HTR1F: variants seen among roughly 807,000 people sequenced by gnomAD.
HTR1F encodes the protein 5-hydroxytryptamine receptor 1F.
Under a neutral mutation model 24.0 loss-of-function variants are expected in HTR1F, and 17 were observed. That is an observed-to-expected ratio of 0.71 (90% CI 0.48 to 1.06). The LOEUF is 1.06. Among genes scored for constraint, HTR1F ranks in the 50% least tolerant of loss-of-function variants. The pLI, the probability that HTR1F is intolerant of heterozygous loss-of-function variation, is 0.00. For missense variants in HTR1F, 391 were observed against 427.8 expected (o/e 0.91, Z 0.76); for synonymous variants, 186 against 156.8 (o/e 1.19, Z -1.39).
At chr3:87,809,606 C>T (rs1559590609) in intron 1 of HTR1F, among the ~76,000 whole-genome samples, 3 of 151,984 alleles carry the variant, frequency 2.0e-5, no homozygotes, top group South Asian at 2.1e-4. Flanking sequence ...ACTAATAATA[C>T]AGCATTATAT....
At chr3:87,837,483 G>A (rs1046475817) in intron 2 of HTR1F, among the ~76,000 whole-genome samples, 4 of 151,986 alleles carry the variant, frequency 2.6e-5, no homozygotes, top group Middle Eastern at 3.4e-3. Context: ...TTCACAATCC[G>A]GAAGCTGAAT....
chr3:87,851,832 A>G (rs1705092657), intron 2 of HTR1F, among the ~76,000 whole-genome samples: 1 of 151,660 alleles, frequency 6.6e-6, no homozygotes, highest in Admixed American at 6.6e-5. Flanking sequence ...ACCTATAAGA[A>G]TGTACATTTC....
intron 2 of HTR1F, among the ~76,000 whole-genome samples, chr3:87,867,293 G>A (rs1705450477): frequency 1.3e-5 from 2 of 151,750 alleles, no homozygotes; most frequent in Admixed American, 6.6e-5. Flanking sequence ...ACAGAACATA[G>A]AGGCATCAAA....
At chr3:87,818,936 TG>T (rs1422099169) in intron 1 of HTR1F, among the ~76,000 whole-genome samples, 6 of 152,208 alleles carry the variant, frequency 3.9e-5, no homozygotes, top group Non-Finnish European at 7.3e-5. Flanking sequence ...ACCTTATTGC[TG>T]GTTTAATAAA....
At chr3:87,835,756 T>G (rs1704670172) in intron 2 of HTR1F, among the ~76,000 whole-genome samples, 1 of 152,242 alleles carries the variant, frequency 6.6e-6, no homozygotes, top group African/African-American at 2.4e-5. Context: ...TACATTATCC[T>G]AAAGAGATGT....
chr3:87,890,421 G>A (rs1230586999), intron 2 of HTR1F, among the ~76,000 whole-genome samples: 1 of 152,052 alleles, frequency 6.6e-6, no homozygotes, highest in Non-Finnish European at 1.5e-5. Flanking sequence ...AGAGATTAAG[G>A]TTCTAAGAGG....
chr3:87,960,760 G>A (rs1444949095), intron 2 of HTR1F, among the ~76,000 whole-genome samples: 8 of 151,848 alleles, frequency 5.3e-5, no homozygotes, highest in South Asian at 4.2e-4. Flanking sequence ...ACTTGGACTT[G>A]GGTTTATTAA....
In HTR1F at chr3:87,897,638, T is replaced by C. The variant is rs1189527522; in HGVS notation, c.-43+75514T>C. On this transcript the variant is annotated intron_variant, in intron 2 of 2. Coordinates refer to ENST00000319595, the MANE Select transcript of HTR1F (RefSeq NM_001322209.2). ...GCATATAAAACCCTTCATGATCTGATGACACCCATTTCTCCAGCCTAAATT... is the reference window on the plus strand; with the variant it reads ...GCATATAAAACCCTTCATGATCTGACGACACCCATTTCTCCAGCCTAAATT... Among the ~76,000 whole-genome samples the C allele has an allele frequency of 2.0e-5, 3 of 152,148 alleles. No homozygotes were observed. The East Asian group carries it at 5.8e-4, about 29-fold the overall frequency.
intron 2 of HTR1F, among the ~76,000 whole-genome samples, chr3:87,873,475 T>A (rs779787343): frequency 1.3e-5 from 2 of 152,172 alleles, no homozygotes; most frequent in Non-Finnish European, 2.9e-5. Context: ...CTATTCAAGA[T>A]ATAATGTATT....
At chr3:87,899,016 C>T (rs1489467492) in intron 2 of HTR1F, among the ~76,000 whole-genome samples, 1 of 152,152 alleles carries the variant, frequency 6.6e-6, no homozygotes, top group Non-Finnish European at 1.5e-5. Context: ...AGGAGCAAAA[C>T]ACAGAATATA....
intron 2 of HTR1F, among the ~76,000 whole-genome samples, chr3:87,936,464 A>G (rs1031033754): frequency 3.9e-5 from 6 of 152,184 alleles, no homozygotes; most frequent in Non-Finnish European, 8.8e-5. Context: ...TCATCTAGTT[A>G]TTAACCACAT....
chr3:87,848,091 A>C (rs1033594546), intron 2 of HTR1F, among the ~76,000 whole-genome samples: 8 of 151,872 alleles, frequency 5.3e-5, no homozygotes, highest in African/African-American at 1.9e-4. Context: ...AGAAATCTTA[A>C]TACTGTTTTC....
chr3:87,958,722 T>C (rs1704998651), intron 2 of HTR1F, among the ~76,000 whole-genome samples: 2 of 151,686 alleles, frequency 1.3e-5, no homozygotes, highest in South Asian at 4.1e-4. Flanking sequence ...TTCTTAAAAA[T>C]GTCTCTTCCC....
At chr3:87,874,530 TA>T (rs1273866409) in intron 2 of HTR1F, among the ~76,000 whole-genome samples, 6 of 151,878 alleles carry the variant, frequency 4.0e-5, no homozygotes, top group Admixed American at 3.3e-4. Context: ...ACTCATGAAT[TA>T]AAAGATTTAT....
chr3:87,871,300 A>G (rs1048654699), intron 2 of HTR1F, among the ~76,000 whole-genome samples: 2 of 151,958 alleles, frequency 1.3e-5, no homozygotes, highest in African/African-American at 4.8e-5. Flanking sequence ...AACAGCAGAC[A>G]TGGTCAAGCA....
At chr3:87,968,384 T>A (rs75516830) in intron 2 of HTR1F, among the ~76,000 whole-genome samples, 1 of 152,052 alleles carries the variant, frequency 6.6e-6, no homozygotes, top group Non-Finnish European at 1.5e-5. Flanking sequence ...AGCTAATTTT[T>A]GTATTTTTAG....
rs147116103 is a variant in HTR1F, at chr3:87,803,970, G to C, written c.-160+11128G>C. 8.0e-3 allele frequency among the ~76,000 whole-genome samples: 1,214 copies of C among 152,120 alleles called. 19 individuals carry two copies. Among genetic ancestry groups the C allele is most frequent in the African/African-American group, 0.028 (1,175 of 41,506 alleles). On this transcript the variant is annotated intron_variant, in intron 1 of 2. Transcript: ENST00000319595. ...AAGAGCAGATAAATGGTGAAACTGGGCGTACAAATCCACATTACAATTCAG... is the reference window on the plus strand; with the variant it reads ...AAGAGCAGATAAATGGTGAAACTGGCCGTACAAATCCACATTACAATTCAG...
intron 2 of HTR1F, among the ~76,000 whole-genome samples, chr3:87,856,246 G>A (rs1705195355): frequency 6.6e-6 from 1 of 151,758 alleles, no homozygotes; most frequent in South Asian, 2.1e-4. Flanking sequence ...TTAGGGTTTA[G>A]TACTATCCAG....
Position 87,932,346 on chromosome 3 carries a change from G to T in HTR1F, c.-42-58362G>T, listed in dbSNP as rs550204238. ...TTTTTCTCAGGTTTGTCAAAGATCA[G>T]ATAGTTGTAGATATGCAGCGTTATT... is the stretch of plus-strand genomic sequence containing the variant. On this transcript the variant is annotated intron_variant, in intron 2 of 2. Coordinates refer to ENST00000319595, the MANE Select transcript of HTR1F (RefSeq NM_001322209.2). Among the ~76,000 whole-genome samples the T allele has an allele frequency of 3.9e-5, 6 of 152,250 alleles. No individual in the cohort carries two copies. The East Asian group carries it at 1.2e-3, about 29-fold the overall frequency.
Sources: allele counts gnomAD v4.1 joint callset (sites outside exome capture counted in the v4.1 genomes callset), GRCh38; gene constraint gnomAD v4.1.1; transcripts MANE v1.5; gene names NCBI Gene and HGNC (gene_info 2026-07-23, HGNC 2026-07-21).